The following SEPTIN10 variants were observed in gnomAD, a reference collection of about 807,000 sequenced individuals.
The protein encoded by SEPTIN10 is septin-10.
SEPTIN10 carries 66 observed loss-of-function variants against 54.8 expected under a neutral mutation model. That is an observed-to-expected ratio of 1.21 (90% CI 0.99 to 1.48). The LOEUF (loss-of-function observed/expected upper bound fraction) is 1.48, where lower values mean the gene tolerates loss of function less well. SEPTIN10 is among the 40% of genes most tolerant of loss of function. SEPTIN10 has a pLI of 0.00. For missense variants in SEPTIN10, 620 were observed against 545.6 expected, an observed-to-expected ratio of 1.14 and a Z score of -1.36; for synonymous variants, 161 against 181.0, an observed-to-expected ratio of 0.89 and a Z score of 0.89.
chr2:109,567,929 A>G lies in SEPTIN10; in HGVS notation c.648T>C (p.Thr216=), dbSNP rs372308564. The change falls in exon 6 of 11, where the codon ACT becomes ACC. Residue 216 remains threonine, a synonymous_variant. Transcript: ENST00000397712. ...VIAKADTVSK[T]ELQKFKIKLM... ...GCTTGATCTTAAACTTCTGTAATTCAGTTTTAGAAACCGTATCTGCTTTGG... is the reference window on the plus strand; with the variant it reads ...GCTTGATCTTAAACTTCTGTAATTCGGTTTTAGAAACCGTATCTGCTTTGG... The G allele has an allele frequency of 6.6e-5, 107 of 1,613,810 alleles. No homozygotes were observed. Among genetic ancestry groups the G allele is most frequent in the Admixed American group, 1.2e-4 (7 of 59,970 alleles).
At chr2:109,590,338 G>T (rs1693739269) in intron 2 of SEPTIN10, among the ~76,000 whole-genome samples, 1 of 152,022 alleles carries the variant, frequency 6.6e-6, no homozygotes, top group South Asian at 2.1e-4. Flanking sequence ...TCTGAGAAGA[G>T]ATTTTACAGA....
intron 2 of SEPTIN10, among the ~76,000 whole-genome samples, chr2:109,588,618 C>G (rs971818160): frequency 6.6e-6 from 1 of 151,910 alleles, no homozygotes; most frequent in Non-Finnish European, 1.5e-5. Context: ...CTCAGCCTCA[C>G]GAGTAGCTGG....
intron 6 of SEPTIN10, 34 bp from the exon 7 acceptor site, chr2:109,565,893 C>T (rs1290778184): frequency 6.6e-7 from 1 of 1,520,184 alleles, no homozygotes; most frequent in Non-Finnish European, 9.1e-7. Flanking sequence ...CTTCTCATAC[C>T]ACTGTGATAA....
chr2:109,570,840 G>A (rs558221402), intron 5 of SEPTIN10, among the ~76,000 whole-genome samples: 4 of 152,232 alleles, frequency 2.6e-5, no homozygotes, highest in Admixed American at 2.0e-4. Flanking sequence ...GTATTATAAT[G>A]TGTAATCTAG....
At chr2:109,570,610 C>A (rs546809227) in intron 5 of SEPTIN10, among the ~76,000 whole-genome samples, 1 of 133,628 alleles carries the variant, frequency 7.5e-6, no homozygotes, top group Admixed American at 1.0e-4. Flanking sequence ...CTGCAACCTC[C>A]GCCTCCCAAG....
chr2:109,584,474 CAAAAAA>C (rs71958517), intron 4 of SEPTIN10, among the ~76,000 whole-genome samples: 4 of 72,042 alleles, frequency 5.6e-5, no homozygotes, highest in African/African-American at 1.7e-4. Flanking sequence ...GACTCTGTCT[CAAAAAA>C]AAAAAAAAAA....
rs756144716 is a variant in SEPTIN10, at chr2:109,585,126, C to T, written c.413G>A (p.Ser138Asn). 1.3e-6 allele frequency: 2 copies of T among 1,550,612 alleles called. No homozygotes were observed. The highest frequency in any genetic ancestry group is 1.7e-6 in the Non-Finnish European group (2 of 1,146,588). Residue 138 changes from serine to asparagine, a missense_variant and splice_region_variant, in exon 4 of 11, where the codon AGC becomes AAC. Ser to Asn is a conservative substitution (Grantham distance 46). Coordinates refer to ENST00000397712, the MANE Select transcript of SEPTIN10 (RefSeq NM_144710.5). ...TTTATTACAAGAAGAAAACACATACCTCTCTTCTTTATTTATTTGGTCACC... is the reference window on the plus strand; with the variant it reads ...TTTATTACAAGAAGAAAACACATACTTCTCTTCTTTATTTATTTGGTCACC... ...GFGDQINKEE[S>N]YQPIVDYIDA...
At chr2:109,583,292 T>G (rs547754555) in intron 4 of SEPTIN10, among the ~76,000 whole-genome samples, 1 of 152,248 alleles carries the variant, frequency 6.6e-6, no homozygotes, top group African/African-American at 2.4e-5. Context: ...GCAGCCAGAA[T>G]CTGTAAGAAA....
intron 4 of SEPTIN10, among the ~76,000 whole-genome samples, chr2:109,577,781 T>G (rs1315029348): frequency 2.7e-5 from 4 of 150,210 alleles, no homozygotes; most frequent in Non-Finnish European, 5.9e-5. Flanking sequence ...GGTGGGGTGG[T>G]GTGTGACTGC....
intron 8 of SEPTIN10, among the ~76,000 whole-genome samples, chr2:109,561,895 C>T (rs759919977): frequency 2.6e-4 from 40 of 151,974 alleles, no homozygotes; most frequent in Non-Finnish European, 5.9e-4. Context: ...CACTGTAATC[C>T]CATCACTTCA....
chr2:109,587,151 G>T (rs534650074), intron 2 of SEPTIN10, among the ~76,000 whole-genome samples: 1 of 152,072 alleles, frequency 6.6e-6, no homozygotes, highest in Non-Finnish European at 1.5e-5. Context: ...TATAATGGGT[G>T]GCATGACGGG....
At chr2:109,604,252 G>A (rs1214129806) in intron 1 of SEPTIN10, among the ~76,000 whole-genome samples, 1 of 150,584 alleles carries the variant, frequency 6.6e-6, no homozygotes, top group African/African-American at 2.4e-5. Context: ...GCTGAGACAG[G>A]AGAATTGCTT....
chr2:109,587,390 T>C lies in SEPTIN10; in HGVS notation c.100-1552A>G, dbSNP rs114901833. On this transcript the variant is annotated intron_variant, in intron 2 of 10. Transcript: ENST00000397712. Reference sequence around the variant, plus strand: ...AAACTTGTGTGAGAGTATCAAATGATCTAACATACCAGTAATTGGAATACA... The same window carrying C: ...AAACTTGTGTGAGAGTATCAAATGACCTAACATACCAGTAATTGGAATACA... 5.6e-3 allele frequency among the ~76,000 whole-genome samples: 846 copies of C among 151,776 alleles called. 8 individuals are homozygous for C. The highest frequency in any genetic ancestry group is 0.02 in the African/African-American group (818 of 41,298).
chr2:109,559,466 C>A (rs879416729), intron 8 of SEPTIN10, among the ~76,000 whole-genome samples: 93 of 152,338 alleles, frequency 6.1e-4, no homozygotes, highest in Non-Finnish European at 5.0e-4. Context: ...CTGACCTAAG[C>A]TGAAGAATCT....
At chr2:109,606,494 C>T (rs1457594246) in intron 1 of SEPTIN10, among the ~76,000 whole-genome samples, 1 of 152,090 alleles carries the variant, frequency 6.6e-6, no homozygotes, top group African/African-American at 2.4e-5. Flanking sequence ...CATCTGGTAG[C>T]ATTCAATTAC....
chr2:109,563,261 T>C (rs1203539498), intron 8 of SEPTIN10, among the ~76,000 whole-genome samples: 1 of 152,122 alleles, frequency 6.6e-6, no homozygotes, highest in Non-Finnish European at 1.5e-5. Context: ...GTGAAAACAT[T>C]AATTAACTCC....
intron 8 of SEPTIN10, among the ~76,000 whole-genome samples, chr2:109,557,718 G>C (rs1449654950): frequency 1.3e-5 from 2 of 152,100 alleles, no homozygotes; most frequent in African/African-American, 4.8e-5. Context: ...AAAGAGAATG[G>C]TCTATAAAGT....
At chr2:109,574,894 ATTAACT>A (rs1451800099) in intron 4 of SEPTIN10, 127 bp from the exon 5 acceptor site, 6 of 550,976 alleles carry the variant, frequency 1.1e-5, no homozygotes, top group African/African-American at 5.9e-5. Flanking sequence ...TGCTGAACAG[ATTAACT>A]TTAGTGATAA....
intron 6 of SEPTIN10, among the ~76,000 whole-genome samples, chr2:109,566,419 G>A (rs1183580956): frequency 6.6e-6 from 1 of 151,968 alleles, no homozygotes; most frequent in Admixed American, 6.6e-5. Context: ...TGGGATTATA[G>A]GTGTGAGCCA....
Sources: gnomAD v4.1 joint callset for allele counts (sites outside exome capture counted in the v4.1 genomes callset) on GRCh38, gnomAD v4.1.1 for gene constraint, MANE v1.5 for transcripts, NCBI Gene and HGNC (gene_info 2026-07-23, HGNC 2026-07-21) for gene names.